H4C6: variants seen among roughly 807,000 people sequenced by gnomAD.
H4C6 encodes the protein H4 clustered histone 6.
A neutral mutation model predicts 5.7 loss-of-function variants in H4C6; 8 were observed. The observed-to-expected ratio is 1.41, with a 90% CI of 0.82 to 2.54. The LOEUF (loss-of-function observed/expected upper bound fraction) is 2.54. Among genes scored for constraint, H4C6 ranks in the 30% most tolerant of loss-of-function variants. The pLI is 0.00. For synonymous variants in H4C6, 124 were observed against 57.0 expected (o/e 2.18, Z -5.30); for missense variants, 230 against 145.9 (o/e 1.58, Z -2.97).
Position 26,240,646 on chromosome 6 carries a change from C to T in H4C6, c.221C>T (p.Thr74Met), listed in dbSNP as rs1009451491. 1 of 1,613,998 alleles carries T rather than the reference C, an allele frequency of 6.2e-7. No individual in the cohort carries two copies. The highest frequency in any genetic ancestry group is 2.2e-5 in the East Asian group (1 of 44,878). Residue 74 changes from threonine to methionine, a missense_variant, in exon 1 of 1, where the codon ACG becomes ATG. Transcript: ENST00000244537. ...GTGATACGGGACGCCGTAACCTACA[C>T]GGAGCACGCCAAGCGTAAGACAGTC... ...ENVIRDAVTYTEHAKRKTVTA... is the reference protein window; with the variant it reads ...ENVIRDAVTYMEHAKRKTVTA...
At position 26,240,400 on chromosome 6, in the gene H4C6, T is replaced by G; in HGVS notation, c.-26T>G. ...TCAGTGTGTAGCAAAGTTGCAAAAG[T>G]TAAGAGTTGTTGTTTGTCTTCGATC... is the stretch of plus-strand genomic sequence containing the variant. On this transcript the variant is annotated 5_prime_UTR_variant, in exon 1 of 1. Coordinates refer to ENST00000244537, the MANE Select transcript of H4C6 (RefSeq NM_003540.4). 1 of 1,505,774 alleles carries G rather than the reference T, an allele frequency of 6.6e-7. No homozygotes were observed. 93.3% of individuals were successfully genotyped at this position (1,505,774 alleles called of 1,614,324 possible). A position where few individuals can be genotyped will look rare whatever the true frequency, so the allele number is the denominator to read the frequency against.
Position 26,240,742 on chromosome 6 carries a change from C to T in H4C6, c.*5C>T, listed in dbSNP as rs1219478932. ...CTGTACGGCTTTGGTGGCTGAGCCT[C>T]ACCCCGGCTTTTTATTTAACAGCTC... On this transcript the variant is annotated 3_prime_UTR_variant, in exon 1 of 1. Transcript: ENST00000244537. 7 of 1,549,254 alleles carry T rather than the reference C, an allele frequency of 4.5e-6. No homozygotes were observed. Among genetic ancestry groups the T allele is most frequent in the Non-Finnish European group, 6.1e-6 (7 of 1,146,914 alleles).
rs769179658 is a variant in H4C6, at chr6:26,240,453, G to A, written c.28G>A (p.Gly10Ser). Residue 10 changes from glycine to serine, a missense_variant, in exon 1 of 1, where the codon GGT (glycine) becomes AGT (serine). Transcript: ENST00000244537. ...GTCTGGTAGAGGCAAAGGTGGTAAA[G>A]GTTTAGGAAAGGGAGGCGCCAAGCG... Reference protein sequence around the residue: MSGRGKGGKGLGKGGAKRHR... With the variant: MSGRGKGGKSLGKGGAKRHR... 1.6e-5 allele frequency: 25 copies of A among 1,587,384 alleles called. No homozygotes were observed. The South Asian group carries it at 2.3e-4, about 15-fold the overall frequency.
rs1380355569 is a variant in H4C6, at chr6:26,240,440, C to T, written c.15C>T (p.Gly5=). 5.7e-6 allele frequency: 9 copies of T among 1,570,734 alleles called. No individual in the cohort carries two copies. The highest frequency in any genetic ancestry group is 2.4e-5 in the South Asian group (2 of 85,046). The part of the protein sequence containing the change: MSGR[G]KGGKGLGKGG... ...TGTCTTCGATCATGTCTGGTAGAGG[C>T]AAAGGTGGTAAAGGTTTAGGAAAGG... Residue 5 remains glycine, a synonymous_variant, in exon 1 of 1, where the codon GGC becomes GGT. Transcript: ENST00000244537.
chr6:26,240,749 G>A lies in H4C6; in HGVS notation c.*12G>A, dbSNP rs774381956. On this transcript the variant is annotated 3_prime_UTR_variant, in exon 1 of 1. Transcript: ENST00000244537. The stretch of plus-strand genomic sequence containing the variant: ...GCTTTGGTGGCTGAGCCTCACCCCG[G>A]CTTTTTATTTAACAGCTCACCCATA... 1 of 1,543,696 alleles carries A rather than the reference G, an allele frequency of 6.5e-7. No homozygotes were observed.
chr6:26,240,591 C>T lies in H4C6; in HGVS notation c.166C>T (p.Arg56Cys), dbSNP rs146739153. The change falls in exon 1 of 1, where the codon CGC (arginine) becomes TGC (cysteine). Residue 56 changes from arginine (R) to cysteine (C), a missense_variant. Physicochemically the swap from Arg to Cys is radical, Grantham distance 180. Transcript: ENST00000244537. Reference protein sequence around the residue: ...RISGLIYEETRGVLKVFLENV... With the variant: ...RISGLIYEETCGVLKVFLENV... ...TTCGGGCCTCATTTATGAGGAGACC[C>T]GCGGTGTTCTTAAGGTGTTCCTGGA... is the stretch of plus-strand genomic sequence containing the variant. 2 of 1,614,220 alleles carry T rather than the reference C, an allele frequency of 1.2e-6. No homozygotes were observed. The highest frequency in any genetic ancestry group is 1.7e-6 in the Non-Finnish European group (2 of 1,180,018).
In H4C6 at chr6:26,240,492, C is replaced by G. The variant is rs1033905216; in HGVS notation, c.67C>G (p.Leu23Val). 1 of 1,609,108 alleles carries G rather than the reference C, an allele frequency of 6.2e-7. No homozygotes were observed. Among genetic ancestry groups the G allele is most frequent in the Admixed American group, 1.7e-5 (1 of 59,852 alleles). ...KGGAKRHRKV[L>V]RDNIQGITKP... ...AGGCGCCAAGCGCCATCGCAAAGTG[C>G]TGCGTGACAACATACAGGGCATCAC... Residue 23 changes from leucine to valine, a missense_variant, in exon 1 of 1, where the codon CTG (leucine) becomes GTG (valine). Coordinates refer to ENST00000244537, the MANE Select transcript of H4C6 (RefSeq NM_003540.4).
Position 26,240,641 on chromosome 6 carries a change from C to G in H4C6, c.216C>G (p.Thr72=). Reference sequence around the variant, plus strand: ...AGAATGTGATACGGGACGCCGTAACCTACACGGAGCACGCCAAGCGTAAGA... The same window carrying G: ...AGAATGTGATACGGGACGCCGTAACGTACACGGAGCACGCCAAGCGTAAGA... ...FLENVIRDAV[T]YTEHAKRKTV... is the part of the protein sequence containing the mutation. The change falls in exon 1 of 1, where the codon ACC becomes ACG. Residue 72 remains threonine (T), a synonymous_variant. Transcript: ENST00000244537. The G allele has an allele frequency of 6.2e-7, 1 of 1,614,158 alleles. No homozygotes were observed. The highest frequency in any genetic ancestry group is 8.5e-7 in the Non-Finnish European group (1 of 1,179,962).
Position 26,240,613 on chromosome 6 carries a change from T to C in H4C6, c.188T>C (p.Leu63Pro), listed in dbSNP as rs774094463. The C allele has an allele frequency of 2.0e-5, 32 of 1,614,106 alleles. No homozygotes were observed. The highest frequency in any genetic ancestry group is 2.5e-5 in the Non-Finnish European group (29 of 1,180,018). Residue 63 changes from leucine to proline, a missense_variant, in exon 1 of 1, where the codon CTG (leucine) becomes CCG (proline). Transcript: ENST00000244537. ...ACCCGCGGTGTTCTTAAGGTGTTCC[T>C]GGAGAATGTGATACGGGACGCCGTA... ...EETRGVLKVF[L>P]ENVIRDAVTY...
chr6:26,240,740 C>G lies in H4C6; in HGVS notation c.*3C>G, dbSNP rs780675074. ...CTCTGTACGGCTTTGGTGGCTGAGC[C>G]TCACCCCGGCTTTTTATTTAACAGC... On this transcript the variant is annotated 3_prime_UTR_variant, in exon 1 of 1. Coordinates refer to ENST00000244537, the MANE Select transcript of H4C6 (RefSeq NM_003540.4). 2.6e-6 allele frequency: 4 copies of G among 1,547,770 alleles called. No individual in the cohort carries two copies. The South Asian group carries it at 5.0e-5, about 19-fold the overall frequency.
chr6:26,240,404 G>A lies in H4C6; in HGVS notation c.-22G>A, dbSNP rs113688431. On this transcript the variant is annotated 5_prime_UTR_variant, in exon 1 of 1. Coordinates refer to ENST00000244537, the MANE Select transcript of H4C6 (RefSeq NM_003540.4). ...TGTGTAGCAAAGTTGCAAAAGTTAA[G>A]AGTTGTTGTTTGTCTTCGATCATGT... 1,412 of 1,526,912 alleles carry A rather than the reference G, an allele frequency of 9.2e-4. 12 individuals are homozygous for A. In the African/African-American group the frequency reaches 0.018, roughly 19 times the overall value. The allele number at this position is 1,526,912 out of a possible 1,614,324, so 94.6% of individuals were successfully genotyped here. A position where few individuals can be genotyped will look rare whatever the true frequency, so the allele number is the denominator to read the frequency against.
At position 26,240,540 on chromosome 6, in the gene H4C6, GC is replaced by G; in HGVS notation, c.118del (p.Arg40AspfsTer5). 6.2e-7 allele frequency: 1 copy of G among 1,614,086 alleles called. No individual in the cohort carries two copies. The highest frequency in any genetic ancestry group is 2.2e-5 in the East Asian group (1 of 44,884). ...GITKPAIRRL[A>X]RRGGVKRISG... is the part of the protein sequence containing the mutation. Reference sequence around the variant, plus strand: ...CACGAAGCCCGCCATCCGTCGCTTGGCCCGACGCGGCGGCGTGAAACGCATT... The same window carrying G: ...CACGAAGCCCGCCATCCGTCGCTTGGCCGACGCGGCGGCGTGAAACGCATT... On this transcript the variant is annotated frameshift_variant, in exon 1 of 1. Transcript: ENST00000244537. LOFTEE classifies it high-confidence loss of function.
rs1201414781 is a variant in H4C6 at position 26,240,496 on chromosome 6, G to T, written c.71G>T (p.Arg24Leu). The T allele has an allele frequency of 1.2e-6, 2 of 1,610,024 alleles. No individual in the cohort carries two copies. Among genetic ancestry groups the T allele is most frequent in the Non-Finnish European group, 1.7e-6 (2 of 1,176,742 alleles). ...GGAKRHRKVLRDNIQGITKPA... is the reference protein window; with the variant it reads ...GGAKRHRKVLLDNIQGITKPA... ...GCCAAGCGCCATCGCAAAGTGCTGC[G>T]TGACAACATACAGGGCATCACGAAG... Residue 24 changes from arginine to leucine, a missense_variant, in exon 1 of 1, where the codon CGT (arginine) becomes CTT (leucine). By Grantham distance (102) the Arg-to-Leu change is moderately radical. Transcript: ENST00000244537.
chr6:26,240,701 G>T lies in H4C6; in HGVS notation c.276G>T (p.Lys92Asn). 1 of 1,604,524 alleles carries T rather than the reference G, an allele frequency of 6.2e-7. No individual in the cohort carries two copies. Among genetic ancestry groups the T allele is most frequent in the Non-Finnish European group, 8.5e-7 (1 of 1,174,260 alleles). The change falls in exon 1 of 1, where the codon AAG (lysine) becomes AAT (asparagine). Residue 92 changes from lysine (K) to asparagine (N), a missense_variant. Lys to Asn is a moderately conservative substitution (Grantham distance 94). Coordinates refer to ENST00000244537, the MANE Select transcript of H4C6 (RefSeq NM_003540.4). ...CAATGGATGTTGTCTACGCGCTCAA[G>T]CGCCAGGGACGCACTCTGTACGGCT... ...VTAMDVVYAL[K>N]RQGRTLYGFG... is the part of the protein sequence containing the mutation.
Position 26,240,736 on chromosome 6 carries a change from G to T in H4C6, c.311G>T (p.Ter104LeuextTer8). 6.4e-7 allele frequency: 1 copy of T among 1,565,446 alleles called. No individual in the cohort carries two copies. The highest frequency in any genetic ancestry group is 8.7e-7 in the Non-Finnish European group (1 of 1,154,054). The change falls in exon 1 of 1, where the codon TGA becomes TTA. Residue 104 changes from the stop codon to leucine (L), a stop_lost. Coordinates refer to ENST00000244537, the MANE Select transcript of H4C6 (RefSeq NM_003540.4). ...QGRTLYGFGG[*>L] The stretch of plus-strand genomic sequence containing the variant: ...CGCACTCTGTACGGCTTTGGTGGCT[G>T]AGCCTCACCCCGGCTTTTTATTTAA...
chr6:26,240,393 G>T lies in H4C6; in HGVS notation c.-33G>T, dbSNP rs776893140. On this transcript the variant is annotated 5_prime_UTR_variant, in exon 1 of 1. Coordinates refer to ENST00000244537, the MANE Select transcript of H4C6 (RefSeq NM_003540.4). ...AGGGGCTTCAGTGTGTAGCAAAGTT[G>T]CAAAAGTTAAGAGTTGTTGTTTGTC... 1 of 1,511,916 alleles carries T rather than the reference G, an allele frequency of 6.6e-7. No homozygotes were observed. Among genetic ancestry groups the T allele is most frequent in the East Asian group, 2.3e-5 (1 of 43,730 alleles). The allele number at this position is 1,511,916 out of a possible 1,614,324, so 93.7% of individuals were successfully genotyped here. A position where few individuals can be genotyped will look rare whatever the true frequency, so the allele number is the denominator to read the frequency against.
rs776450686 is a variant in H4C6, at chr6:26,240,625, T to C, written c.200T>C (p.Ile67Thr). 1.2e-6 allele frequency: 2 copies of C among 1,613,766 alleles called. No homozygotes were observed. Among genetic ancestry groups the C allele is most frequent in the Non-Finnish European group, 1.7e-6 (2 of 1,179,934 alleles). The change falls in exon 1 of 1, where the codon ATA (isoleucine) becomes ACA (threonine). Residue 67 changes from isoleucine to threonine, a missense_variant. Transcript: ENST00000244537. ...CTTAAGGTGTTCCTGGAGAATGTGA[T>C]ACGGGACGCCGTAACCTACACGGAG... The part of the protein sequence containing the change: ...GVLKVFLENV[I>T]RDAVTYTEHA...
chr6:26,240,394 C>A lies in H4C6; in HGVS notation c.-32C>A. On this transcript the variant is annotated 5_prime_UTR_variant, in exon 1 of 1. Coordinates refer to ENST00000244537, the MANE Select transcript of H4C6 (RefSeq NM_003540.4). ...GGGGCTTCAGTGTGTAGCAAAGTTGCAAAAGTTAAGAGTTGTTGTTTGTCT... is the reference window on the plus strand; with the variant it reads ...GGGGCTTCAGTGTGTAGCAAAGTTGAAAAAGTTAAGAGTTGTTGTTTGTCT... The A allele has an allele frequency of 6.6e-7, 1 of 1,514,522 alleles. No homozygotes were observed. The highest frequency in any genetic ancestry group is 8.9e-7 in the Non-Finnish European group (1 of 1,128,494). 93.8% of individuals were successfully genotyped at this position (1,514,522 alleles called of 1,614,324 possible).
rs1292112868 is a variant in H4C6 at position 26,240,431 on chromosome 6, T to G, written c.6T>G (p.Ser2=). Residue 2 remains serine, a synonymous_variant, in exon 1 of 1, where the codon TCT becomes TCG. Coordinates refer to ENST00000244537, the MANE Select transcript of H4C6 (RefSeq NM_003540.4). M[S]GRGKGGKGLG... ...GTTGTTGTTTGTCTTCGATCATGTC[T>G]GGTAGAGGCAAAGGTGGTAAAGGTT... 5.1e-6 allele frequency: 8 copies of G among 1,560,086 alleles called. No homozygotes were observed. In the Admixed American group the frequency reaches 1.3e-4, roughly 25 times the overall value.
Sources: allele counts gnomAD v4.1 joint callset, GRCh38; gene constraint gnomAD v4.1.1; transcripts MANE v1.5; gene names NCBI Gene and HGNC (gene_info 2026-07-23, HGNC 2026-07-21).